MNDA: variants seen among roughly 807,000 people sequenced by gnomAD.
MNDA encodes epididymis secretory sperm binding protein.
In MNDA, 43 loss-of-function variants were observed where a neutral mutation model predicts 37.8. The observed-to-expected ratio is 1.14, with a 90% CI of 0.89 to 1.47. MNDA has a LOEUF of 1.47. Ranked by LOEUF, MNDA falls within the 40% of genes most tolerant of loss-of-function variation. MNDA has a pLI of 0.00. For missense variants in MNDA, 536 were observed against 476.0 expected (o/e 1.13, Z -1.17); for synonymous variants, 181 against 169.0 (o/e 1.07, Z -0.55).
intron 5 of MNDA, among the ~76,000 whole-genome samples, chr1:158,847,244 A>G (rs918625996): frequency 2.6e-5 from 4 of 152,204 alleles, no homozygotes; most frequent in African/African-American, 7.2e-5. Context: ...CTAAAATCTC[A>G]GAATTCACCG....
Position 158,841,998 on chromosome 1 carries a change from G to T in MNDA, c.-20-136G>T. 1.1e-5 allele frequency: 7 copies of T among 659,014 alleles called. No homozygotes were observed. The South Asian group carries it at 1.4e-4, about 13-fold the overall frequency. The allele number at this position is 659,014 out of a possible 1,614,324, so 40.8% of individuals were successfully genotyped here. A position where few individuals can be genotyped will look rare whatever the true frequency, so the allele number is the denominator to read the frequency against. On this transcript the variant is annotated intron_variant, in intron 1 of 6. Coordinates refer to ENST00000368141, the MANE Select transcript of MNDA (RefSeq NM_002432.3). The stretch of plus-strand genomic sequence containing the variant: ...ATCCATTGTTCACAGTGACATATCT[G>T]GTAACTTAGTCCCTTTTTCTTATAC...
chr1:158,843,458 A>T, intron 3 of MNDA, 43 bp downstream of exon 3: 1 of 1,535,416 alleles, frequency 6.5e-7, no homozygotes, highest in Non-Finnish European at 8.7e-7. Flanking sequence ...CTCACAGAAG[A>T]TACTCTGCTA....
In MNDA at chr1:158,845,906, A is replaced by C; in HGVS notation, c.890A>C (p.Asn297Thr). 1 of 1,614,176 alleles carries C rather than the reference A, an allele frequency of 6.2e-7. No homozygotes were observed. Among genetic ancestry groups the C allele is most frequent in the South Asian group, 1.1e-5 (1 of 91,082 alleles). The change falls in exon 5 of 7, where the codon AAC (asparagine) becomes ACC (threonine). Residue 297 changes from asparagine (N) to threonine (T), a missense_variant. Transcript: ENST00000368141. ...SDFNQNFEVP[N>T]RIIEIANKTP... Reference sequence around the variant, plus strand: ...TTTAATCAAAATTTTGAGGTCCCAAACAGAATTATCGAAATAGCAAATAAA... The same window carrying C: ...TTTAATCAAAATTTTGAGGTCCCAACCAGAATTATCGAAATAGCAAATAAA...
At chr1:158,834,068 C>T (rs775403780) in intron 1 of MNDA, among the ~76,000 whole-genome samples, 4 of 151,766 alleles carry the variant, frequency 2.6e-5, no homozygotes, top group East Asian at 1.9e-4. Context: ...CTAGGAGCTC[C>T]GATGTTTTGT....
chr1:158,835,411 T>G (rs1473282419), intron 1 of MNDA, among the ~76,000 whole-genome samples: 1 of 152,108 alleles, frequency 6.6e-6, no homozygotes, highest in Non-Finnish European at 1.5e-5. Context: ...TTGTTCGTTG[T>G]TAGCGTATAA....
At chr1:158,843,187 C>A in intron 2 of MNDA, 92 bp from the exon 3 acceptor site, 1 of 1,460,210 alleles carries the variant, frequency 6.8e-7, no homozygotes, top group South Asian at 1.4e-5. Context: ...CATGCAGGAG[C>A]TGACAGCAGG....
In MNDA at chr1:158,842,420, T is replaced by C; in HGVS notation, c.265+2T>C. On this transcript the variant is annotated splice_donor_variant, in intron 2 of 6. Coordinates refer to ENST00000368141, the MANE Select transcript of MNDA (RefSeq NM_002432.3). LOFTEE classifies it high-confidence loss of function. ...ATCTTCGAAAAGAGAAGTCAAAAGGTAATAGAGAAAACCTTGCACATAGCT... is the reference window on the plus strand; with the variant it reads ...ATCTTCGAAAAGAGAAGTCAAAAGGCAATAGAGAAAACCTTGCACATAGCT... The C allele has an allele frequency of 6.2e-7, 1 of 1,607,904 alleles. No homozygotes were observed. Among genetic ancestry groups the C allele is most frequent in the Non-Finnish European group, 8.5e-7 (1 of 1,177,612 alleles).
At chr1:158,838,197 A>T (rs1274156669) in intron 1 of MNDA, among the ~76,000 whole-genome samples, 1 of 151,978 alleles carries the variant, frequency 6.6e-6, no homozygotes, top group Non-Finnish European at 1.5e-5. Flanking sequence ...TTTTTGTATG[A>T]GTTTGAGTTA....
At chr1:158,848,733 G>T (rs1659192447) in intron 6 of MNDA, among the ~76,000 whole-genome samples, 1 of 152,130 alleles carries the variant, frequency 6.6e-6, no homozygotes, top group African/African-American at 2.4e-5. Flanking sequence ...TAGGCTTGGG[G>T]CAGAGATATC....
intron 1 of MNDA, among the ~76,000 whole-genome samples, chr1:158,839,104 A>AT (rs917392871): frequency 2.6e-5 from 4 of 152,054 alleles, no homozygotes; most frequent in African/African-American, 9.6e-5. Flanking sequence ...GTGGAGATTC[A>AT]TTTTTTTCTT....
intron 1 of MNDA, among the ~76,000 whole-genome samples, chr1:158,835,904 T>G (rs1485544730): frequency 6.6e-6 from 1 of 150,572 alleles, no homozygotes; most frequent in East Asian, 1.9e-4. Flanking sequence ...TTTTTTTGTC[T>G]TTCATTCTGG....
At chr1:158,833,747 A>C (rs1279474263) in intron 1 of MNDA, among the ~76,000 whole-genome samples, 1 of 152,140 alleles carries the variant, frequency 6.6e-6, no homozygotes, top group Non-Finnish European at 1.5e-5. Flanking sequence ...TTATTCATTC[A>C]TCCATTGAAG....
At chr1:158,844,675 C>T (rs1351444199) in intron 4 of MNDA, among the ~76,000 whole-genome samples, 1 of 151,798 alleles carries the variant, frequency 6.6e-6, no homozygotes, top group East Asian at 1.9e-4. Context: ...CTTGTAAAAG[C>T]ACTGTTTCTT....
chr1:158,840,160 TAA>T (rs1175694461), intron 1 of MNDA, among the ~76,000 whole-genome samples: 2 of 152,148 alleles, frequency 1.3e-5, no homozygotes, highest in Non-Finnish European at 2.9e-5. Context: ...TCAAATGCAT[TAA>T]GAGTTCTTCA....
chr1:158,843,841 A>C lies in MNDA; in HGVS notation c.403-114A>C. ...AGATTGTAATTCCCTGGGGTTTCCAAGGACATCCCATCCAACATAAATAGA... is the reference window on the plus strand; with the variant it reads ...AGATTGTAATTCCCTGGGGTTTCCACGGACATCCCATCCAACATAAATAGA... On this transcript the variant is annotated intron_variant, in intron 3 of 6. Coordinates refer to ENST00000368141, the MANE Select transcript of MNDA (RefSeq NM_002432.3). 5.5e-6 allele frequency: 5 copies of C among 904,326 alleles called. No individual in the cohort carries two copies. The South Asian group carries it at 9.2e-5, about 17-fold the overall frequency. The allele number at this position is 904,326 out of a possible 1,614,324, so 56.0% of individuals were successfully genotyped here. A position where few individuals can be genotyped will look rare whatever the true frequency, so the allele number is the denominator to read the frequency against.
At chr1:158,835,894 T>C (rs1056201794) in intron 1 of MNDA, among the ~76,000 whole-genome samples, 1 of 152,020 alleles carries the variant, frequency 6.6e-6, no homozygotes, top group Admixed American at 6.5e-5. Context: ...ATGATCATTT[T>C]TTTTTTGTCT....
intron 1 of MNDA, among the ~76,000 whole-genome samples, chr1:158,840,557 T>C (rs543115625): frequency 3.2e-4 from 49 of 152,282 alleles, no homozygotes; most frequent in Non-Finnish European, 2.9e-5. Context: ...ATTTGCAAGA[T>C]GATTTTGCTA....
At chr1:158,845,038 T>G (rs1044326152) in intron 4 of MNDA, among the ~76,000 whole-genome samples, 29 of 152,196 alleles carry the variant, frequency 1.9e-4, no homozygotes, top group African/African-American at 6.8e-4. Flanking sequence ...CCAAGCCTGT[T>G]GTCTGTTACC....
In MNDA at chr1:158,845,660, T is replaced by A. The variant is rs762985440; in HGVS notation, c.644T>A (p.Val215Glu). The stretch of plus-strand genomic sequence containing the variant: ...CCCCAAAACGACCCAGTGACAGTGG[T>A]GGTACTGAAAGCAACAGCGCCATTT... ...NVPQNDPVTVVVLKATAPFKY... is the reference protein window; with the variant it reads ...NVPQNDPVTVEVLKATAPFKY... The change falls in exon 5 of 7, where the codon GTG becomes GAG. Residue 215 changes from valine to glutamate, a missense_variant. Transcript: ENST00000368141. 6.2e-7 allele frequency: 1 copy of A among 1,614,002 alleles called. No homozygotes were observed. Among genetic ancestry groups the A allele is most frequent in the South Asian group, 1.1e-5 (1 of 91,086 alleles).
Sources: gnomAD v4.1 joint callset for allele counts (sites outside exome capture counted in the v4.1 genomes callset) on GRCh38, gnomAD v4.1.1 for gene constraint, MANE v1.5 for transcripts, NCBI Gene and HGNC (gene_info 2026-07-23, HGNC 2026-07-21) for gene names.